Variants in UBE2E2 observed in about 807,000 individuals in gnomAD.
UBE2E2 encodes ubiquitin conjugating enzyme E2 E2, also known as ubiquitin-conjugating enzyme E2 E2.
A neutral mutation model predicts 24.7 loss-of-function variants in UBE2E2; 6 were observed. The observed-to-expected ratio is 0.24, with a 90% CI of 0.13 to 0.48. The LOEUF (loss-of-function observed/expected upper bound fraction) is 0.48, where lower values mean the gene tolerates loss of function less well. Ranked by LOEUF, UBE2E2 falls within the 20% of genes least tolerant of loss-of-function variation. UBE2E2 has a pLI of 0.99. For missense variants in UBE2E2, 169 were observed against 245.0 expected (o/e 0.69, Z 2.07); for synonymous variants, 104 against 83.6 (o/e 1.24, Z -1.33).
chr3:23,255,079 CTT>C (rs202015038), intron 3 of UBE2E2, among the ~76,000 whole-genome samples: 143 of 85,942 alleles, frequency 1.7e-3, no homozygotes, highest in African/African-American at 4.4e-3. Context: ...GAGTAACTTC[CTT>C]TTTTTTTTTT....
chr3:23,532,599 G>A lies in UBE2E2; in HGVS notation c.406G>A (p.Gly136Ser), dbSNP rs757522391. Residue 136 changes from glycine to serine, a missense_variant, in exon 5 of 6, where the codon GGT (glycine) becomes AGT (serine). Gly to Ser is a moderately conservative substitution (Grantham distance 56). Around this residue, in one of 2 missense-constraint regions of UBE2E2, gnomAD observed 105 missense variants for 180.7 expected, o/e 0.58. Coordinates refer to ENST00000396703, the MANE Select transcript of UBE2E2 (RefSeq NM_152653.4). ...RIYHCNINSQ[G>S]VICLDILKDN... ...CTATCACTGTAATATTAACAGCCAA[G>A]GTGTGATCTGTCTGGACATCTTAAA... The A allele has an allele frequency of 6.4e-7, 1 of 1,566,586 alleles. No homozygotes were observed. Among genetic ancestry groups the A allele is most frequent in the East Asian group, 2.2e-5 (1 of 44,498 alleles).
At chr3:23,563,489 A>G (rs549823928) in intron 5 of UBE2E2, among the ~76,000 whole-genome samples, 9 of 152,182 alleles carry the variant, frequency 5.9e-5, no homozygotes, top group Admixed American at 2.6e-4. Flanking sequence ...TTTACTTCCA[A>G]CTATGTGGTC....
At chr3:23,535,780 C>G (rs1164146738) in intron 5 of UBE2E2, among the ~76,000 whole-genome samples, 3 of 151,900 alleles carry the variant, frequency 2.0e-5, no homozygotes, top group Non-Finnish European at 4.4e-5. Context: ...CACCACCATG[C>G]CTGGCTAATT....
chr3:23,290,975 G>A (rs777104695), intron 3 of UBE2E2, among the ~76,000 whole-genome samples: 2 of 151,132 alleles, frequency 1.3e-5, no homozygotes, highest in African/African-American at 2.4e-5. Flanking sequence ...AGGCTGAGGT[G>A]GGAAGATCGC....
At chr3:23,559,140 T>A (rs1008441435) in intron 5 of UBE2E2, among the ~76,000 whole-genome samples, 4 of 152,180 alleles carry the variant, frequency 2.6e-5, no homozygotes, top group African/African-American at 7.2e-5. Context: ...CTAATGAAAT[T>A]AAGCACTGAA....
chr3:23,205,821 A>G (rs1018803457), intron 1 of UBE2E2, among the ~76,000 whole-genome samples: 28 of 152,122 alleles, frequency 1.8e-4, no homozygotes, highest in African/African-American at 5.1e-4. Context: ...TCTTCCTCTA[A>G]TATTCGGCAG....
intron 5 of UBE2E2, among the ~76,000 whole-genome samples, chr3:23,573,388 T>A (rs1696270308): frequency 6.6e-6 from 1 of 152,178 alleles, no homozygotes; most frequent in African/African-American, 2.4e-5. Context: ...TAAATTTATA[T>A]TTGGCCAGAG....
At chr3:23,233,535 A>G (rs180781471) in intron 3 of UBE2E2, among the ~76,000 whole-genome samples, 11 of 152,284 alleles carry the variant, frequency 7.2e-5, no homozygotes, top group Non-Finnish European at 4.4e-5. Context: ...TTTTTGGATG[A>G]TATCCTAAAC....
intron 4 of UBE2E2, among the ~76,000 whole-genome samples, chr3:23,517,893 G>T (rs922446003): frequency 6.6e-6 from 1 of 152,106 alleles, no homozygotes; most frequent in Non-Finnish European, 1.5e-5. Context: ...GCGGCCTAGA[G>T]TGTTTATTTA....
At position 23,364,026 on chromosome 3, in the gene UBE2E2, AC is replaced by A. The variant is rs201181227; in HGVS notation, c.228-135580del. ...CATACAATTACATGGAAATTATATA[AC>A]CTACTCCTGAATGACATTTGGGTAA... On this transcript the variant is annotated intron_variant, in intron 3 of 5. Transcript: ENST00000396703. Among the ~76,000 whole-genome samples, 99 of 152,302 alleles carry A rather than the reference AC, an allele frequency of 6.5e-4. 5 individuals are homozygous for A. In the East Asian group the frequency reaches 0.016, roughly 24 times the overall value.
chr3:23,314,713 C>T (rs1559344593), intron 3 of UBE2E2, among the ~76,000 whole-genome samples: 1 of 152,140 alleles, frequency 6.6e-6, no homozygotes, highest in South Asian at 2.1e-4. Context: ...GATATTTTAA[C>T]CAGATATGCT....
At chr3:23,361,253 A>G (rs1696106353) in intron 3 of UBE2E2, among the ~76,000 whole-genome samples, 3 of 152,224 alleles carry the variant, frequency 2.0e-5, no homozygotes, top group East Asian at 3.8e-4. Flanking sequence ...TACAACCACT[A>G]TGGAAAACAG....
chr3:23,274,595 A>C (rs1045083077), intron 3 of UBE2E2, among the ~76,000 whole-genome samples: 3 of 151,974 alleles, frequency 2.0e-5, no homozygotes, highest in Non-Finnish European at 1.5e-5. Flanking sequence ...CTCCTGGGCT[A>C]AAGTGATCTT....
At chr3:23,328,813 C>CA (rs749410649) in intron 3 of UBE2E2, among the ~76,000 whole-genome samples, 44 of 152,144 alleles carry the variant, frequency 2.9e-4, no homozygotes, top group Non-Finnish European at 5.7e-4. Flanking sequence ...AGGTGCCCGC[C>CA]ACCATGCCCG....
chr3:23,448,969 T>G (rs1307646059), intron 3 of UBE2E2, among the ~76,000 whole-genome samples: 1 of 152,148 alleles, frequency 6.6e-6, no homozygotes, highest in East Asian at 1.9e-4. Flanking sequence ...TATTTTCTGG[T>G]TTTTCAATGG....
At chr3:23,538,712 T>C (rs532202438) in intron 5 of UBE2E2, among the ~76,000 whole-genome samples, 5 of 152,170 alleles carry the variant, frequency 3.3e-5, no homozygotes, top group Non-Finnish European at 7.4e-5. Context: ...ATACGTTCCC[T>C]GTTTTGTGAA....
At chr3:23,481,164 A>G (rs1376772058) in intron 3 of UBE2E2, among the ~76,000 whole-genome samples, 5 of 152,260 alleles carry the variant, frequency 3.3e-5, no homozygotes, top group African/African-American at 4.8e-5. Flanking sequence ...CCCAGCTGGC[A>G]TAAGCACTTG....
intron 3 of UBE2E2, among the ~76,000 whole-genome samples, chr3:23,247,177 TA>T (rs1167798647): frequency 1.3e-5 from 2 of 151,974 alleles, no homozygotes; most frequent in East Asian, 1.9e-4. Flanking sequence ...TCCTAAATAA[TA>T]AAAAAAGTAA....
chr3:23,484,383 A>G (rs141702178), intron 3 of UBE2E2, among the ~76,000 whole-genome samples: 14 of 152,316 alleles, frequency 9.2e-5, no homozygotes, highest in Non-Finnish European at 2.1e-4. Flanking sequence ...TCGGTGCTGA[A>G]ATGAAACATG....
Sources: allele counts gnomAD v4.1 joint callset (sites outside exome capture counted in the v4.1 genomes callset), GRCh38; gene constraint gnomAD v4.1.1; regional missense constraint gnomAD v4.1.1; transcripts MANE v1.5; gene names NCBI Gene and HGNC (gene_info 2026-07-23, HGNC 2026-07-21).